The following GABRG3 variants were observed in gnomAD, a reference collection of about 807,000 sequenced individuals.
GABRG3 encodes the protein gamma-aminobutyric acid receptor subunit gamma-3.
GABRG3 carries 25 observed loss-of-function variants against 48.8 expected under a neutral mutation model. That is an observed-to-expected ratio of 0.51 (90% CI 0.37 to 0.72). The LOEUF (loss-of-function observed/expected upper bound fraction) is 0.72, where lower values mean the gene tolerates loss of function less well. Ranked by LOEUF, GABRG3 falls within the 30% of genes least tolerant of loss-of-function variation. The pLI, the probability that GABRG3 is intolerant of heterozygous loss-of-function variation, is 0.00. For synonymous variants in GABRG3, 227 were observed against 217.6 expected, an observed-to-expected ratio of 1.04 and a Z score of -0.38; for missense variants, 394 against 577.9, an observed-to-expected ratio of 0.68 and a Z score of 3.26.
chr15:27,478,800 T>C (rs1890024200), intron 5 of GABRG3, among the ~76,000 whole-genome samples: 1 of 152,192 alleles, frequency 6.6e-6, no homozygotes. Flanking sequence ...TACAATAAAA[T>C]ATTATTTGGC....
chr15:27,078,096 G>C (rs2140741239), intron 3 of GABRG3, among the ~76,000 whole-genome samples: 1 of 152,324 alleles, frequency 6.6e-6, no homozygotes, highest in African/African-American at 2.4e-5. Context: ...GGGCCATGGA[G>C]TGCCGGATAG....
intron 3 of GABRG3, among the ~76,000 whole-genome samples, chr15:27,165,877 C>T (rs1343475675): frequency 6.6e-6 from 1 of 152,034 alleles, no homozygotes; most frequent in Non-Finnish European, 1.5e-5. Context: ...AAGGCAACCT[C>T]AGTATTGGAG....
intron 3 of GABRG3, among the ~76,000 whole-genome samples, chr15:27,146,551 C>T (rs1054042652): frequency 2.0e-5 from 3 of 152,052 alleles, no homozygotes; most frequent in African/African-American, 7.2e-5. Context: ...TATTTTTTCT[C>T]CTATCAAAAT....
intron 3 of GABRG3, among the ~76,000 whole-genome samples, chr15:27,278,059 T>G (rs1399235330): frequency 1.3e-5 from 2 of 151,694 alleles, no homozygotes; most frequent in Admixed American, 6.6e-5. Context: ...TCGATGCATT[T>G]TTTTTTTTTT....
At chr15:27,209,389 TTTC>T (rs924561509) in intron 3 of GABRG3, among the ~76,000 whole-genome samples, 1 of 152,182 alleles carries the variant, frequency 6.6e-6, no homozygotes, top group Non-Finnish European at 1.5e-5. Flanking sequence ...CTTTTCTTTC[TTTC>T]TTTTCTTTTT....
At chr15:27,244,827 T>G (rs1890224499) in intron 3 of GABRG3, among the ~76,000 whole-genome samples, 1 of 152,216 alleles carries the variant, frequency 6.6e-6, no homozygotes, top group African/African-American at 2.4e-5. Context: ...AATTATTTCC[T>G]TAATTTTTTT....
intron 3 of GABRG3, among the ~76,000 whole-genome samples, chr15:27,216,747 A>ATTTATTTAT (rs1889263704): frequency 1.0e-5 from 1 of 96,738 alleles, no homozygotes; most frequent in African/African-American, 4.3e-5. Flanking sequence ...TTTTTTTTTT[A>ATTTATTTAT]TTTTTTATTT....
At chr15:27,139,613 T>G (rs1449177047) in intron 3 of GABRG3, among the ~76,000 whole-genome samples, 4 of 141,990 alleles carry the variant, frequency 2.8e-5, no homozygotes, top group African/African-American at 9.4e-5. Flanking sequence ...TTTTCTGAAA[T>G]TTTTTCCCAG....
chr15:27,375,410 C>A (rs891285543), intron 5 of GABRG3, among the ~76,000 whole-genome samples: 8 of 152,122 alleles, frequency 5.3e-5, no homozygotes, highest in Non-Finnish European at 8.8e-5. Flanking sequence ...AAGTGCCATA[C>A]TTTGGGCTAT....
chr15:27,111,752 T>A (rs1897553216), intron 3 of GABRG3, among the ~76,000 whole-genome samples: 1 of 152,110 alleles, frequency 6.6e-6, no homozygotes. Flanking sequence ...ATTCTGTACT[T>A]TTCTGCTTCA....
intron 5 of GABRG3, chr15:27,364,852 G>T (rs936750276): frequency 1.3e-5 from 2 of 152,206 alleles, no homozygotes; most frequent in South Asian, 4.1e-4. Flanking sequence ...ACAAGAAAGG[G>T]TATCCTATAA....
intron 3 of GABRG3, among the ~76,000 whole-genome samples, chr15:27,211,909 C>T (rs1889093060): frequency 1.3e-5 from 2 of 152,192 alleles, no homozygotes; most frequent in African/African-American, 4.8e-5. Context: ...CCATGCCCAT[C>T]CCCTGAGAAA....
intron 2 of GABRG3, among the ~76,000 whole-genome samples, chr15:27,013,262 G>T (rs540070487): frequency 6.6e-6 from 1 of 152,116 alleles, no homozygotes; most frequent in South Asian, 2.1e-4. Flanking sequence ...GTTTTTCAAG[G>T]CTGAACAATA....
At chr15:27,270,331 A>G (rs1891041411) in intron 3 of GABRG3, among the ~76,000 whole-genome samples, 1 of 151,986 alleles carries the variant, frequency 6.6e-6, no homozygotes, top group Non-Finnish European at 1.5e-5. Flanking sequence ...TAAAATACGA[A>G]CGTTGGTGTT....
intron 3 of GABRG3, among the ~76,000 whole-genome samples, chr15:27,080,754 C>T (rs936425962): frequency 3.3e-5 from 5 of 152,216 alleles, no homozygotes; most frequent in African/African-American, 9.7e-5. Flanking sequence ...CATTCTTCTA[C>T]AGTGTGAGTT....
At position 27,286,883 on chromosome 15, in the gene GABRG3, C is replaced by T. The variant is rs1281078754; in HGVS notation, c.271-39926C>T. On this transcript the variant is annotated intron_variant, in intron 3 of 9. Transcript: ENST00000615808. The stretch of plus-strand genomic sequence containing the variant: ...AGTTCCACGCCTGCTCTGGGCTGCC[C>T]TACTCTCTCCCTCCAGATCCTTCCA... 2.0e-5 allele frequency among the ~76,000 whole-genome samples: 3 copies of T among 152,138 alleles called. No individual in the cohort carries two copies. The East Asian group carries it at 5.8e-4, about 29-fold the overall frequency.
chr15:27,225,877 C>T (rs1033138744), intron 3 of GABRG3, among the ~76,000 whole-genome samples: 2 of 152,060 alleles, frequency 1.3e-5, no homozygotes, highest in African/African-American at 4.8e-5. Flanking sequence ...TCCACATGGC[C>T]GGAGCTTCCA....
intron 5 of GABRG3, among the ~76,000 whole-genome samples, chr15:27,423,263 A>C (rs1888185959): frequency 1.3e-5 from 2 of 149,160 alleles, no homozygotes; most frequent in African/African-American, 2.5e-5. Context: ...AAAAAAAAAA[A>C]AACCTCTAGA....
chr15:27,315,824 A>G lies in GABRG3; in HGVS notation c.271-10985A>G, dbSNP rs976495311. ...CCTATGAAGCCTATATGTAGCTTAT[A>G]CAAGTATATATTCATTTACTTCTGT... On this transcript the variant is annotated intron_variant, in intron 3 of 9. Transcript: ENST00000615808. 5.9e-5 allele frequency among the ~76,000 whole-genome samples: 9 copies of G among 152,360 alleles called. No homozygotes were observed. The South Asian group carries it at 1.0e-3, about 18-fold the overall frequency.
Sources: allele counts gnomAD v4.1 joint callset (sites outside exome capture counted in the v4.1 genomes callset), GRCh38; gene constraint gnomAD v4.1.1; transcripts MANE v1.5; gene names NCBI Gene and HGNC (gene_info 2026-07-23, HGNC 2026-07-21).